The following GAS7 variants were observed in gnomAD, a reference collection of about 807,000 sequenced individuals.
The protein encoded by GAS7 is growth arrest specific 7, also known as growth arrest-specific protein 7.
A neutral mutation model predicts 71.1 loss-of-function variants in GAS7; 28 were observed. That is an observed-to-expected ratio of 0.39 (90% CI 0.29 to 0.54). GAS7 has a LOEUF of 0.54. Ranked by LOEUF, GAS7 falls within the 20% of genes least tolerant of loss-of-function variation. The pLI is 0.62. For synonymous variants in GAS7, 258 were observed against 245.8 expected (o/e 1.05, Z -0.46); for missense variants, 436 against 627.8 (o/e 0.69, Z 3.27).
intron 1 of GAS7, among the ~76,000 whole-genome samples, chr17:10,143,915 T>C (rs1177139201): frequency 6.6e-6 from 1 of 152,214 alleles, no homozygotes; most frequent in African/African-American, 2.4e-5. Context: ...CATGTGAGTG[T>C]GCTGGAAAAT....
chr17:10,012,327 AC>A (rs2071806264), intron 2 of GAS7, among the ~76,000 whole-genome samples: 1 of 152,138 alleles, frequency 6.6e-6, no homozygotes, highest in African/African-American at 2.4e-5. Context: ...TTGCTCTGTC[AC>A]CCAGGCTGGA....
At chr17:10,075,166 A>G (rs1429290081) in intron 1 of GAS7, among the ~76,000 whole-genome samples, 4 of 151,678 alleles carry the variant, frequency 2.6e-5, no homozygotes, top group Non-Finnish European at 4.4e-5. Flanking sequence ...GACCAGCCTG[A>G]CCAACATGGT....
chr17:10,016,108 G>A (rs116766561), intron 2 of GAS7, among the ~76,000 whole-genome samples: 11,709 of 152,134 alleles, frequency 0.077, 572 homozygotes, highest in Middle Eastern at 0.14. Context: ...AGTTAAGGTC[G>A]GGCACGGTGG....
At chr17:9,920,078 G>A (rs2152068041) in intron 11 of GAS7, among the ~76,000 whole-genome samples, 1 of 148,486 alleles carries the variant, frequency 6.7e-6, no homozygotes, top group East Asian at 2.0e-4. Flanking sequence ...CCTCTCTAAA[G>A]ATGGCAGTTT....
intron 3 of GAS7, among the ~76,000 whole-genome samples, chr17:9,976,672 A>G (rs761496174): frequency 1.7e-4 from 26 of 152,212 alleles, no homozygotes; most frequent in Admixed American, 9.2e-4. Context: ...AGGTTCCCTG[A>G]GGCTACTGGA....
intron 1 of GAS7, among the ~76,000 whole-genome samples, chr17:10,064,461 A>C (rs2073258162): frequency 6.6e-6 from 1 of 152,130 alleles, no homozygotes; most frequent in South Asian, 2.1e-4. Flanking sequence ...TCAGCCCTCG[A>C]GGTTTCCGGG....
intron 2 of GAS7, among the ~76,000 whole-genome samples, chr17:10,006,548 C>T (rs1217871595): frequency 6.6e-6 from 1 of 151,960 alleles, no homozygotes; most frequent in Non-Finnish European, 1.5e-5. Flanking sequence ...CCGGCATGGT[C>T]TCGATCTCCT....
At chr17:10,142,242 T>C (rs764511434) in intron 1 of GAS7, among the ~76,000 whole-genome samples, 3 of 150,536 alleles carry the variant, frequency 2.0e-5, no homozygotes, top group East Asian at 1.9e-4. Context: ...AAAAGGTACA[T>C]AGTAGTTACA....
chr17:9,911,643 C>G lies in GAS7; in HGVS notation c.*5585G>C, dbSNP rs2067438671. 1.3e-5 allele frequency: 3 copies of G among 232,764 alleles called. No homozygotes were observed. The highest frequency in any genetic ancestry group is 2.5e-5 in the Non-Finnish European group (3 of 117,740). The allele number at this position is 232,764 out of a possible 1,614,324, so 14.4% of individuals were successfully genotyped here. A position where few individuals can be genotyped will look rare whatever the true frequency, so the allele number is the denominator to read the frequency against. On this transcript the variant is annotated 3_prime_UTR_variant, in exon 14 of 14. Coordinates refer to ENST00000432992, the MANE Select transcript of GAS7 (RefSeq NM_201433.2). The surrounding 1 kb of genome is among the most constrained non-coding windows in gnomAD (Gnocchi z 4.0). ...TGCTTCTTCACCTCCAGGAAAGCCT[C>G]AACAAAAATACTCCTGAGGGGGAGA...
At chr17:10,028,220 T>A (rs944521311) in intron 1 of GAS7, among the ~76,000 whole-genome samples, 3 of 152,130 alleles carry the variant, frequency 2.0e-5, no homozygotes, top group African/African-American at 4.8e-5. Context: ...TTCTTTTTTT[T>A]AAATTTAGCT....
chr17:10,077,752 T>G (rs1237861253), intron 1 of GAS7, among the ~76,000 whole-genome samples: 1 of 152,182 alleles, frequency 6.6e-6, no homozygotes, highest in Admixed American at 6.5e-5. Context: ...TACTGCAGAT[T>G]AAGATCAGAC....
intron 1 of GAS7, among the ~76,000 whole-genome samples, chr17:10,124,754 C>A (rs915641887): frequency 6.6e-6 from 1 of 151,954 alleles, no homozygotes; most frequent in African/African-American, 2.4e-5. Context: ...CCTGTCTCTA[C>A]TAAAAATACA....
intron 1 of GAS7, among the ~76,000 whole-genome samples, chr17:10,084,345 T>C (rs1484145066): frequency 6.6e-6 from 1 of 152,156 alleles, no homozygotes; most frequent in East Asian, 1.9e-4. Context: ...CTATTAGAAG[T>C]CAAAGGGTCC....
At chr17:9,979,649 C>T (rs1290280307) in intron 3 of GAS7, among the ~76,000 whole-genome samples, 1 of 152,132 alleles carries the variant, frequency 6.6e-6, no homozygotes, top group Non-Finnish European at 1.5e-5. Flanking sequence ...GGGCAAGTCT[C>T]GACCAGCCTC....
chr17:9,984,225 C>T lies in GAS7; in HGVS notation c.305-2341G>A, dbSNP rs141215112. Among the ~76,000 whole-genome samples the T allele has an allele frequency of 3.3e-3, 502 of 152,194 alleles. 3 individuals carry two copies. The highest frequency in any genetic ancestry group is 0.011 in the African/African-American group (468 of 41,522). On this transcript the variant is annotated intron_variant, in intron 2 of 13. Transcript: ENST00000432992. The stretch of plus-strand genomic sequence containing the variant: ...CCGTGCAGCCCTAGGCAAATCGCAC[C>T]ACCCTTCTGGTCCTCTGATGCTTCA...
intron 1 of GAS7, among the ~76,000 whole-genome samples, chr17:10,069,819 G>A (rs1456649973): frequency 6.6e-6 from 1 of 152,142 alleles, no homozygotes; most frequent in Non-Finnish European, 1.5e-5. Flanking sequence ...ATGTGAGTCT[G>A]TGAATGGAAA....
chr17:10,183,995 G>A lies in GAS7; in HGVS notation c.183+14213C>T, dbSNP rs138632700. ...TTCTGGCCGACCCTTGAACGTTGTT[G>A]TCTAAGCTGTCCATACTGGGAGCAG... On this transcript the variant is annotated intron_variant, in intron 1 of 13. Coordinates refer to ENST00000432992, the MANE Select transcript of GAS7 (RefSeq NM_201433.2). 1.7e-3 allele frequency among the ~76,000 whole-genome samples: 265 copies of A among 152,254 alleles called. 1 individual carries two copies. The highest frequency in any genetic ancestry group is 6.0e-3 in the African/African-American group (249 of 41,538).
intron 8 of GAS7, among the ~76,000 whole-genome samples, chr17:9,936,464 G>A (rs180921316): frequency 1.9e-3 from 287 of 152,264 alleles, no homozygotes; most frequent in African/African-American, 6.6e-3. Flanking sequence ...GGGATGAAAG[G>A]AAGAACCATG....
At chr17:10,150,607 T>TTTTTTTTTG (rs1555537609) in intron 1 of GAS7, among the ~76,000 whole-genome samples, 6 of 150,106 alleles carry the variant, frequency 4.0e-5, no homozygotes, top group East Asian at 1.9e-4. Context: ...TTTTTTTTTT[T>TTTTTTTTTG]AGACAGGGTC....
Sources: allele counts gnomAD v4.1 joint callset (sites outside exome capture counted in the v4.1 genomes callset), GRCh38; gene constraint gnomAD v4.1.1; non-coding constraint Gnocchi (gnomAD v3.1); transcripts MANE v1.5; gene names NCBI Gene and HGNC (gene_info 2026-07-23, HGNC 2026-07-21).